CMTM8: variants seen among roughly 807,000 people sequenced by gnomAD.
The protein encoded by CMTM8 is CKLF like MARVEL transmembrane domain containing 8.
A neutral mutation model predicts 18.6 loss-of-function variants in CMTM8; 12 were observed. That is an observed-to-expected ratio of 0.65 (90% CI 0.41 to 1.05). The LOEUF is 1.05. Ranked by LOEUF, CMTM8 falls within the 50% of genes least tolerant of loss-of-function variation. CMTM8 has a pLI of 0.00. For missense variants in CMTM8, 217 were observed against 227.2 expected (o/e 0.95, Z 0.29); for synonymous variants, 87 against 90.6 (o/e 0.96, Z 0.23).
chr3:32,343,993 G>A (rs979182565), intron 1 of CMTM8, among the ~76,000 whole-genome samples: 1 of 152,156 alleles, frequency 6.6e-6, no homozygotes, highest in African/African-American at 2.4e-5. Context: ...GAGCCACCTC[G>A]CCTGGCCAAG....
chr3:32,299,391 C>T (rs1335031191), intron 1 of CMTM8, among the ~76,000 whole-genome samples: 1 of 152,082 alleles, frequency 6.6e-6, no homozygotes, highest in Non-Finnish European at 1.5e-5. Flanking sequence ...GCTCAACTGT[C>T]TCTACACCAG....
chr3:32,348,719 T>G (rs1241725400), intron 1 of CMTM8, among the ~76,000 whole-genome samples: 2 of 151,890 alleles, frequency 1.3e-5, no homozygotes, highest in African/African-American at 4.8e-5. Flanking sequence ...CAGGCTGGTT[T>G]TGAACTCCTG....
intron 1 of CMTM8, among the ~76,000 whole-genome samples, chr3:32,309,874 C>A (rs768037689): frequency 7.9e-5 from 12 of 152,188 alleles, no homozygotes; most frequent in Non-Finnish European, 1.8e-4. Context: ...GTACTGCGGG[C>A]ATCCTGAACT....
intron 1 of CMTM8, among the ~76,000 whole-genome samples, chr3:32,330,197 A>T (rs974883797): frequency 1.2e-4 from 15 of 125,154 alleles, no homozygotes; most frequent in African/African-American, 4.2e-4. Flanking sequence ...TCCCAGTGGC[A>T]TTTTTTTTTT....
At chr3:32,343,760 C>A (rs1249613781) in intron 1 of CMTM8, among the ~76,000 whole-genome samples, 1 of 152,148 alleles carries the variant, frequency 6.6e-6, no homozygotes, top group Non-Finnish European at 1.5e-5. Context: ...AGTGCAATGG[C>A]GTGATCTCAA....
intron 1 of CMTM8, among the ~76,000 whole-genome samples, chr3:32,241,567 A>G (rs1036854617): frequency 1.3e-5 from 2 of 152,226 alleles, no homozygotes; most frequent in African/African-American, 4.8e-5. Flanking sequence ...GCTGTAGGCT[A>G]ACCTAAGTGT....
Position 32,238,928 on chromosome 3 carries a change from C to T in CMTM8, c.-45C>T. On this transcript the variant is annotated 5_prime_UTR_variant, in exon 1 of 4. Transcript: ENST00000307526. ...CAGGGCCGCGCGTCCAGCCCCAGAC[C>T]CGCCGGGGTCCCTGGGGACGCGCCA... is the stretch of plus-strand genomic sequence containing the variant. 1 of 1,528,096 alleles carries T rather than the reference C, an allele frequency of 6.5e-7. No homozygotes were observed. 94.7% of individuals were successfully genotyped at this position (1,528,096 alleles called of 1,614,324 possible).
At chr3:32,318,294 A>C (rs188136323) in intron 1 of CMTM8, among the ~76,000 whole-genome samples, 253 of 152,142 alleles carry the variant, frequency 1.7e-3, no homozygotes, top group African/African-American at 5.9e-3. Context: ...TCCCTGTTTA[A>C]CCTCTTATAC....
chr3:32,268,469 A>T (rs1276550973), intron 1 of CMTM8, among the ~76,000 whole-genome samples: 1 of 152,178 alleles, frequency 6.6e-6, no homozygotes, highest in African/African-American at 2.4e-5. Context: ...AGGGAGGGAT[A>T]GCATTAGGGG....
intron 1 of CMTM8, among the ~76,000 whole-genome samples, chr3:32,257,995 C>G (rs1702198279): frequency 6.6e-6 from 1 of 152,112 alleles, no homozygotes; most frequent in Non-Finnish European, 1.5e-5. Context: ...ATTGAAGCAT[C>G]TGGAAATCTC....
chr3:32,284,489 A>G (rs1490209832), intron 1 of CMTM8, among the ~76,000 whole-genome samples: 2 of 152,294 alleles, frequency 1.3e-5, no homozygotes, highest in South Asian at 2.1e-4. Context: ...TTTGCATTAT[A>G]TCTCATAATT....
intron 1 of CMTM8, among the ~76,000 whole-genome samples, chr3:32,332,213 GT>G (rs1696291361): frequency 6.6e-6 from 1 of 152,210 alleles, no homozygotes; most frequent in South Asian, 2.1e-4. Context: ...ATGGGGCTGG[GT>G]TAGCTGCAGC....
chr3:32,318,862 C>T (rs951401434), intron 1 of CMTM8, among the ~76,000 whole-genome samples: 9 of 150,730 alleles, frequency 6.0e-5, no homozygotes, highest in East Asian at 2.0e-4. Context: ...CCACCGCGCC[C>T]GGCTAGTCAT....
chr3:32,330,274 G>A (rs1451848363), intron 1 of CMTM8, among the ~76,000 whole-genome samples: 1 of 145,976 alleles, frequency 6.9e-6, no homozygotes, highest in African/African-American at 2.6e-5. Context: ...ACCCCAGAGA[G>A]CCAAAACAGT....
intron 1 of CMTM8, among the ~76,000 whole-genome samples, chr3:32,263,303 C>T (rs1054328212): frequency 7.2e-5 from 11 of 152,212 alleles, no homozygotes; most frequent in African/African-American, 2.7e-4. Flanking sequence ...CCAATATTCG[C>T]TGTTCTGCAG....
intron 1 of CMTM8, among the ~76,000 whole-genome samples, chr3:32,267,943 A>C (rs1216053341): frequency 6.6e-6 from 1 of 152,200 alleles, no homozygotes; most frequent in Non-Finnish European, 1.5e-5. Flanking sequence ...GTCAGGAAAC[A>C]ACAGGTGCTG....
At chr3:32,238,218 G>C (rs551182970), upstream of CMTM8, 1 of 152,320 alleles carries the variant, frequency 6.6e-6, no homozygotes, top group Non-Finnish European at 1.5e-5. Context: ...CATCGATCTC[G>C]GGTCTAAGGT....
At chr3:32,321,876 AG>A (rs1403085401) in intron 1 of CMTM8, among the ~76,000 whole-genome samples, 1 of 152,236 alleles carries the variant, frequency 6.6e-6, no homozygotes, top group East Asian at 1.9e-4. Context: ...TGGGAGTTAC[AG>A]GCGTGAGCCA....
chr3:32,250,933 T>A (rs1002185153), intron 1 of CMTM8, among the ~76,000 whole-genome samples: 10 of 152,184 alleles, frequency 6.6e-5, no homozygotes, highest in African/African-American at 2.2e-4. Flanking sequence ...ATTCTATAAC[T>A]TTGTTGACCT....
Sources: allele counts gnomAD v4.1 joint callset (sites outside exome capture counted in the v4.1 genomes callset), GRCh38; gene constraint gnomAD v4.1.1; transcripts MANE v1.5; gene names NCBI Gene and HGNC (gene_info 2026-07-23, HGNC 2026-07-21).